The following HAUS7 variants were observed in gnomAD, a reference collection of about 807,000 sequenced individuals.
HAUS7 encodes the protein HAUS augmin like complex subunit 7, also known as HAUS augmin-like complex subunit 7.
Under a neutral mutation model 28.4 loss-of-function variants are expected in HAUS7, and 3 were observed. The ratio of observed to expected loss-of-function variants is 0.11; its 90% confidence interval spans 0.05 to 0.27. HAUS7 has a LOEUF of 0.27. Among genes scored for constraint, HAUS7 ranks in the 10% least tolerant of loss-of-function variants. The pLI, the probability that HAUS7 is intolerant of heterozygous loss-of-function variation, is 1.00. For synonymous variants in HAUS7, 165 were observed against 132.1 expected, an observed-to-expected ratio of 1.25 and a Z score of -1.71; for missense variants, 284 against 297.3, an observed-to-expected ratio of 0.96 and a Z score of 0.33.
At chrX:153,477,447 G>A (rs1556986447) in intron 1 of HAUS7, among the ~76,000 whole-genome samples, 1 of 113,497 alleles carries the variant, frequency 8.8e-6, no homozygotes, top group Non-Finnish European at 1.9e-5. Flanking sequence ...GGCGATGCCT[G>A]GACCAGGAGG....
In HAUS7 at chrX:153,454,764, C is replaced by T. The variant is rs192467959; in HGVS notation, c.931-256G>A. The stretch of plus-strand genomic sequence containing the variant: ...ACTCTCATGTCGCTCTGGCAACCCT[C>T]GATGCCTAGGGACATGCCAGCCAGC... On this transcript the variant is annotated intron_variant, in intron 8 of 9. Coordinates refer to ENST00000370211, the MANE Select transcript of HAUS7 (RefSeq NM_001385482.1). 2.4e-3 allele frequency: 1,368 copies of T among 563,584 alleles called. 17 individuals carry two copies. In the African/African-American group the frequency reaches 0.027, roughly 11 times the overall value. 46.4% of individuals were successfully genotyped at this position (563,584 alleles called of 1,213,427 possible). A position where few individuals can be genotyped will look rare whatever the true frequency, so the allele number is the denominator to read the frequency against.
rs182842830 is a variant in HAUS7 at position 153,494,711 on chromosome X, T to C, written c.-589+663A>G. On this transcript the variant is annotated intron_variant, in intron 1 of 5. Transcript: ENST00000370210. Reference sequence around the variant, plus strand: ...GTTTGAGTGAGTGCGAGTGTGTCCGTTCCTTTGCTGTCTGCCCCAGGCGGG... The same window carrying C: ...GTTTGAGTGAGTGCGAGTGTGTCCGCTCCTTTGCTGTCTGCCCCAGGCGGG... 4.6e-4 allele frequency among the ~76,000 whole-genome samples: 46 copies of C among 99,020 alleles called. 1 individual carries two copies. The East Asian group carries it at 0.011, about 24-fold the overall frequency. 86.0% of individuals were successfully genotyped at this position (99,020 alleles called of 115,157 possible).
At chrX:153,484,939 C>T (rs962419612) in intron 1 of HAUS7, among the ~76,000 whole-genome samples, 13 of 112,831 alleles carry the variant, frequency 1.2e-4, no homozygotes, top group Non-Finnish European at 2.1e-4. Flanking sequence ...ACCCTAGCCA[C>T]GGGGGCTGAG....
Position 153,456,975 on chromosome X carries a change from C to T in HAUS7, c.446+162G>A, listed in dbSNP as rs139672726. The stretch of plus-strand genomic sequence containing the variant: ...CCTTGGGACACAGCTGCCCCTTGCC[C>T]GTATGCTGCCCGGCCCCTGATTGGC... On this transcript the variant is annotated intron_variant, in intron 5 of 9. Coordinates refer to ENST00000370211, the MANE Select transcript of HAUS7 (RefSeq NM_001385482.1). The T allele has an allele frequency of 7.1e-3, 3,284 of 460,762 alleles. 34 individuals are homozygous for T. The highest frequency in any genetic ancestry group is 0.042 in the African/African-American group (1,748 of 41,364). The allele number at this position is 460,762 out of a possible 1,213,427, so 38.0% of individuals were successfully genotyped here. A position where few individuals can be genotyped will look rare whatever the true frequency, so the allele number is the denominator to read the frequency against.
At chrX:153,466,736 G>A (rs1324691964) in intron 2 of HAUS7, among the ~76,000 whole-genome samples, 2 of 111,965 alleles carry the variant, frequency 1.8e-5, no homozygotes, top group Admixed American at 9.4e-5. Flanking sequence ...CAAAGGATTC[G>A]GTTTCTGGTA....
At chrX:153,466,669 G>T (rs1198198592) in intron 2 of HAUS7, among the ~76,000 whole-genome samples, 1 of 112,504 alleles carries the variant, frequency 8.9e-6, no homozygotes, top group Non-Finnish European at 1.9e-5. Flanking sequence ...AAGGCCTAAG[G>T]AATTCTCGCC....
intron 1 of HAUS7, among the ~76,000 whole-genome samples, chrX:153,469,677 G>A (rs2089495965): frequency 8.9e-6 from 1 of 112,257 alleles, no homozygotes; most frequent in South Asian, 3.7e-4. Context: ...CCCGCGTCCT[G>A]CCATCTTGCC....
intron 1 of HAUS7, among the ~76,000 whole-genome samples, chrX:153,469,533 G>A (rs1193029972): frequency 8.9e-6 from 1 of 112,544 alleles, no homozygotes; most frequent in Non-Finnish European, 1.9e-5. Context: ...TCACCATGTT[G>A]GCCAGGCTGG....
At position 153,488,697 on chromosome X, in the gene HAUS7, C is replaced by CG. The variant is rs1556989072; in HGVS notation, c.-589+6676dup. Among the ~76,000 whole-genome samples the CG allele has an allele frequency of 2.7e-5, 3 of 112,935 alleles. No homozygotes were observed. The Admixed American group carries it at 2.8e-4, about 10-fold the overall frequency. ...ACCCCTCCTCCCTGCCTGGCCGCCC[C>CG]GGTCCCTGCGCCTCTTGCTCAGGTC... On this transcript the variant is annotated intron_variant, in intron 1 of 5. Transcript: ENST00000370210.
chrX:153,479,490 A>T, intron 1 of HAUS7: 1 of 526,972 alleles, frequency 1.9e-6, no homozygotes, highest in Non-Finnish European at 2.3e-6. Context: ...GCCCTGAGAG[A>T]GCCCTCCCTG....
At chrX:153,476,015 C>T (rs1176897078) in intron 1 of HAUS7, among the ~76,000 whole-genome samples, 7 of 88,030 alleles carry the variant, frequency 8.0e-5, no homozygotes, top group African/African-American at 2.9e-4. Flanking sequence ...TACATCTGCT[C>T]GTGCTCCACC....
intron 1 of HAUS7, among the ~76,000 whole-genome samples, chrX:153,483,968 T>C (rs782139231): frequency 1.5e-4 from 17 of 112,039 alleles, no homozygotes; most frequent in African/African-American, 5.2e-4. Flanking sequence ...GGGGCTGCCA[T>C]CACTGAGTGC....
At chrX:153,459,507 GGGTGCCTGTCTACTGCAGC>G (rs1228400290) in intron 4 of HAUS7, among the ~76,000 whole-genome samples, 1 of 111,190 alleles carries the variant, frequency 9.0e-6, no homozygotes, top group Non-Finnish European at 1.9e-5. Context: ...CATACGTGAA[GGGTGCCTGTCTACTGCAGC>G]CCCTATGCTT....
chrX:153,488,692 C>T lies in HAUS7; in HGVS notation c.-589+6682G>A, dbSNP rs782504033. 9.7e-5 allele frequency among the ~76,000 whole-genome samples: 11 copies of T among 112,985 alleles called. No homozygotes were observed. The East Asian group carries it at 2.2e-3, about 23-fold the overall frequency. ...TCACGACCCCTCCTCCCTGCCTGGC[C>T]GCCCCGGTCCCTGCGCCTCTTGCTC... On this transcript the variant is annotated intron_variant, in intron 1 of 5. Transcript: ENST00000370210.
intron 2 of HAUS7, 47 bp downstream of exon 2, chrX:153,469,099 C>T (rs781843131): frequency 1.9e-5 from 14 of 731,861 alleles, no homozygotes; most frequent in Admixed American, 1.9e-4. Context: ...GGCTGGCTGG[C>T]GCCCATGCAC....
chrX:153,471,328 G>A (rs1294709138), upstream of HAUS7, among the ~76,000 whole-genome samples: 7 of 112,182 alleles, frequency 6.2e-5, no homozygotes, highest in East Asian at 2.8e-4. Context: ...AGTGCCCGGC[G>A]CATGCGAAGA....
chrX:153,469,740 C>T (rs954848160), intron 1 of HAUS7, among the ~76,000 whole-genome samples: 2 of 112,234 alleles, frequency 1.8e-5, no homozygotes, highest in African/African-American at 3.2e-5. Flanking sequence ...GCATGCAGAC[C>T]CCACCTCTTT....
rs782148925 is a variant in HAUS7, at chrX:153,469,240, C to G, written c.130G>C (p.Glu44Gln). The change falls in exon 2 of 10, where the codon GAG (glutamate) becomes CAG (glutamine). Residue 44 changes from glutamate to glutamine, a missense_variant. Coordinates refer to ENST00000370211, the MANE Select transcript of HAUS7 (RefSeq NM_001385482.1). ...KLKDLNCPFL[E>Q]GLYITEPKTI... The stretch of plus-strand genomic sequence containing the variant: ...TTTGGCTCTGTGATATACAGACCCT[C>G]GAGGAAGGGGCAGTTTAGGTCCTAA... 1.0e-5 allele frequency: 12 copies of G among 1,154,634 alleles called. No individual in the cohort carries two copies.
chrX:153,482,517 C>G (rs2089607146), intron 1 of HAUS7: 1 of 748,575 alleles, frequency 1.3e-6, no homozygotes, highest in Admixed American at 8.6e-5. Context: ...GGTGCCCCAC[C>G]CCCAGGACAG....
Sources: gnomAD v4.1 joint callset for allele counts (sites outside exome capture counted in the v4.1 genomes callset) on GRCh38, gnomAD v4.1.1 for gene constraint, MANE v1.5 for transcripts, NCBI Gene and HGNC (gene_info 2026-07-23, HGNC 2026-07-21) for gene names.